Variants in MRPL22 observed in about 807,000 individuals in gnomAD.
MRPL22 encodes mitochondrial ribosomal protein L22.
A neutral mutation model predicts 32.4 loss-of-function variants in MRPL22; 27 were observed. That is an observed-to-expected ratio of 0.83 (90% CI 0.61 to 1.15). MRPL22 has a LOEUF of 1.15. Among genes scored for constraint, MRPL22 ranks in the 50% most tolerant of loss-of-function variants. The pLI is 0.00. For missense variants in MRPL22, 239 were observed against 260.2 expected (o/e 0.92, Z 0.56); for synonymous variants, 86 against 87.3 (o/e 0.99, Z 0.08).
chr5:154,965,291 T>G (rs1484055215), intron 6 of MRPL22, among the ~76,000 whole-genome samples: 1 of 152,250 alleles, frequency 6.6e-6, no homozygotes, highest in East Asian at 1.9e-4. Context: ...ATATGTATTC[T>G]GTAGATTTTA....
At chr5:154,943,671 T>C (rs1376601729) in intron 2 of MRPL22, among the ~76,000 whole-genome samples, 1 of 150,314 alleles carries the variant, frequency 6.7e-6, no homozygotes, top group Non-Finnish European at 1.5e-5. Context: ...TATATATAGA[T>C]ATTAAAATTT....
At chr5:154,964,607 T>C (rs2113547606) in intron 6 of MRPL22, among the ~76,000 whole-genome samples, 1 of 152,330 alleles carries the variant, frequency 6.6e-6, no homozygotes, top group Middle Eastern at 3.4e-3. Context: ...TGTTTTGACA[T>C]AAAGAAATGA....
intron 4 of MRPL22, 60 bp downstream of exon 4, chr5:154,956,496 C>T (rs1269550311): frequency 1.9e-6 from 2 of 1,050,830 alleles, no homozygotes; most frequent in East Asian, 4.9e-5. Context: ...TATGAGTTCC[C>T]CTCCCCACCC....
chr5:154,942,208 A>C (rs348751), intron 2 of MRPL22, among the ~76,000 whole-genome samples: 7 of 152,246 alleles, frequency 4.6e-5, no homozygotes, highest in Admixed American at 4.6e-4. Flanking sequence ...AGCCTCCTGA[A>C]GTACTGGGAT....
At chr5:154,941,643 A>T (rs1314980887) in intron 2 of MRPL22, among the ~76,000 whole-genome samples, 1 of 152,180 alleles carries the variant, frequency 6.6e-6, no homozygotes, top group African/African-American at 2.4e-5. Context: ...CGTACCTGAC[A>T]TTGTGTTTAG....
At chr5:154,951,882 ATTTTTTT>A (rs34804035) in intron 3 of MRPL22, among the ~76,000 whole-genome samples, 1 of 123,088 alleles carries the variant, frequency 8.1e-6, no homozygotes, top group African/African-American at 3.0e-5. Flanking sequence ...GAAATCACGT[ATTTTTTT>A]TTTTTTTTTT....
In MRPL22 at chr5:154,941,083, G is replaced by A. The variant is rs777219588; in HGVS notation, c.-28G>A. 1.2e-6 allele frequency: 2 copies of A among 1,613,320 alleles called. No homozygotes were observed. The highest frequency in any genetic ancestry group is 8.5e-7 in the Non-Finnish European group (1 of 1,179,974). On this transcript the variant is annotated 5_prime_UTR_variant, in exon 1 of 7. Coordinates refer to ENST00000523037, the MANE Select transcript of MRPL22 (RefSeq NM_014180.4). The stretch of plus-strand genomic sequence containing the variant: ...TGCTGTCCAGAAGGCGCTTGAACTC[G>A]GCGGCTTCCGTAGCGGGAGGGCGAA...
chr5:154,958,211 G>A (rs1215667843), intron 5 of MRPL22, among the ~76,000 whole-genome samples: 4 of 151,950 alleles, frequency 2.6e-5, no homozygotes, highest in South Asian at 2.1e-4. Context: ...GAGCCACCGC[G>A]CCTGGCCTAT....
intron 3 of MRPL22, chr5:154,955,257 A>G (rs754393761): frequency 2.0e-5 from 3 of 152,194 alleles, no homozygotes; most frequent in Non-Finnish European, 4.4e-5. Context: ...TTCTATTGCA[A>G]CTGAAATCTG....
At chr5:154,943,035 G>C (rs981001397) in intron 2 of MRPL22, among the ~76,000 whole-genome samples, 2 of 152,150 alleles carry the variant, frequency 1.3e-5, no homozygotes, top group East Asian at 3.8e-4. Flanking sequence ...GGATTTTCTA[G>C]TGGGGAAAAT....
Position 154,968,400 on chromosome 5 carries a change from C to T in MRPL22, c.*1503C>T, listed in dbSNP as rs1250816004. On this transcript the variant is annotated 3_prime_UTR_variant, in exon 7 of 7. Coordinates refer to ENST00000523037, the MANE Select transcript of MRPL22 (RefSeq NM_014180.4). ...TAACCTTCATTCTAGTCTGTGCATT[C>T]TCATTAGCCAGAAAGAAGACTGGAT... The T allele has an allele frequency of 2.0e-5, 3 of 152,224 alleles. No homozygotes were observed. Among genetic ancestry groups the T allele is most frequent in the Non-Finnish European group, 2.9e-5 (2 of 68,044 alleles). The allele number at this position is 152,224 out of a possible 1,614,324, so 9.4% of individuals were successfully genotyped here. A position where few individuals can be genotyped will look rare whatever the true frequency, so the allele number is the denominator to read the frequency against.
chr5:154,960,285 A>G (rs990742891), intron 6 of MRPL22, among the ~76,000 whole-genome samples: 7 of 152,344 alleles, frequency 4.6e-5, no homozygotes, highest in Middle Eastern at 3.4e-3. Flanking sequence ...CCAATTGCTA[A>G]TAATTATTAA....
intron 3 of MRPL22, chr5:154,955,250 T>G (rs575690541): frequency 3.3e-5 from 5 of 152,336 alleles, no homozygotes; most frequent in African/African-American, 1.2e-4. Flanking sequence ...TGTCTGCTTC[T>G]ATTGCAACTG....
intron 6 of MRPL22, among the ~76,000 whole-genome samples, chr5:154,961,172 C>T (rs549862102): frequency 6.6e-6 from 1 of 152,168 alleles, no homozygotes; most frequent in Non-Finnish European, 1.5e-5. Context: ...AGTTGATTTT[C>T]AGTTGAAATG....
At chr5:154,946,014 G>A (rs771551165) in intron 2 of MRPL22, among the ~76,000 whole-genome samples, 46 of 152,094 alleles carry the variant, frequency 3.0e-4, no homozygotes, top group Non-Finnish European at 3.8e-4. Context: ...TGAATTATTT[G>A]AGTCCTGAAA....
At chr5:154,941,338 C>T in intron 2 of MRPL22, 73 bp downstream of exon 2, 1 of 1,585,348 alleles carries the variant, frequency 6.3e-7, no homozygotes, top group Non-Finnish European at 8.6e-7. Flanking sequence ...TAACTGAGCG[C>T]CTCCGTGCCT....
At position 154,964,852 on chromosome 5, in the gene MRPL22, T is replaced by A. The variant is rs148899216; in HGVS notation, c.410-1834T>A. Among the ~76,000 whole-genome samples, 538 of 152,230 alleles carry A rather than the reference T, an allele frequency of 3.5e-3. 4 individuals are homozygous for A. The highest frequency in any genetic ancestry group is 0.011 in the African/African-American group (475 of 41,532). On this transcript the variant is annotated intron_variant, in intron 6 of 6. Transcript: ENST00000523037. Reference sequence around the variant, plus strand: ...TGCTCAAGTTGGATAGAGAAATGATTTTGGATAGAAGCAGCTATCACATTT... The same window carrying A: ...TGCTCAAGTTGGATAGAGAAATGATATTGGATAGAAGCAGCTATCACATTT...
intron 2 of MRPL22, among the ~76,000 whole-genome samples, chr5:154,948,952 A>AT (rs1764526123): frequency 6.6e-6 from 1 of 152,152 alleles, no homozygotes; most frequent in South Asian, 2.1e-4. Flanking sequence ...ACCCACTACA[A>AT]TTATTGTCCT....
intron 3 of MRPL22, chr5:154,956,083 A>G (rs1375647609): frequency 3.5e-6 from 1 of 288,576 alleles, no homozygotes; most frequent in African/African-American, 2.2e-5. Flanking sequence ...TTTCATTTAA[A>G]TCTTTTAGGA....
Sources: allele counts gnomAD v4.1 joint callset (sites outside exome capture counted in the v4.1 genomes callset), GRCh38; gene constraint gnomAD v4.1.1; transcripts MANE v1.5; gene names NCBI Gene and HGNC (gene_info 2026-07-23, HGNC 2026-07-21).